Variants in HLF observed in about 807,000 individuals in gnomAD.
The protein encoded by HLF is HLF transcription factor, PAR bZIP family member, also known as hepatic leukemia factor.
In HLF, 3 loss-of-function variants were observed where a neutral mutation model predicts 22.6. The observed-to-expected ratio is 0.13, with a 90% confidence interval of 0.06 to 0.34. The LOEUF (loss-of-function observed/expected upper bound fraction) is 0.34, where lower values mean the gene tolerates loss of function less well. HLF is among the 10% of genes least tolerant of loss of function. The pLI is 1.00. For missense variants in HLF, 299 were observed against 389.2 expected (o/e 0.77, Z 1.95); for synonymous variants, 151 against 151.8 (o/e 0.99, Z 0.04).
intron 2 of HLF, among the ~76,000 whole-genome samples, chr17:55,310,475 C>T (rs1414368867): frequency 6.6e-6 from 1 of 152,134 alleles, no homozygotes; most frequent in South Asian, 2.1e-4. Flanking sequence ...AACTGCCTTA[C>T]TTTGTCAAGT....
chr17:55,314,596 T>C (rs1009117798), intron 2 of HLF, among the ~76,000 whole-genome samples: 1 of 152,216 alleles, frequency 6.6e-6, no homozygotes, highest in Non-Finnish European at 1.5e-5. Flanking sequence ...TCTGTTTTCT[T>C]CTGATTCAAT....
intron 2 of HLF, among the ~76,000 whole-genome samples, chr17:55,295,900 A>G (rs1318703132): frequency 6.6e-6 from 1 of 152,246 alleles, no homozygotes. Flanking sequence ...TTTCAGGTCA[A>G]CATTTCCCAG....
At chr17:55,284,075 C>T (rs1182222747) in intron 2 of HLF, 1 of 152,188 alleles carries the variant, frequency 6.6e-6, no homozygotes, top group African/African-American at 2.4e-5. Context: ...TTGAACTCTT[C>T]AGATTTTTCT....
intron 2 of HLF, among the ~76,000 whole-genome samples, chr17:55,306,186 A>G (rs1904539169): frequency 6.6e-6 from 1 of 152,016 alleles, no homozygotes; most frequent in African/African-American, 2.4e-5. Context: ...ACGCCACTAC[A>G]CTGCAGCCTG....
chr17:55,290,790 C>T (rs913388668), intron 2 of HLF, among the ~76,000 whole-genome samples: 26 of 152,192 alleles, frequency 1.7e-4, no homozygotes, highest in African/African-American at 5.3e-4. Context: ...AGGCCAAAAG[C>T]TAGGCTTCTT....
At position 55,322,111 on chromosome 17, in the gene HLF, C is replaced by T; in HGVS notation, c.*1232C>T. 9.7e-6 allele frequency: 2 copies of T among 205,926 alleles called. No homozygotes were observed. Among genetic ancestry groups the T allele is most frequent in the Non-Finnish European group, 2.0e-5 (2 of 100,600 alleles). The allele number at this position is 205,926 out of a possible 1,614,324, so 12.8% of individuals were successfully genotyped here. On this transcript the variant is annotated 3_prime_UTR_variant, in exon 4 of 4. Transcript: ENST00000226067. ...GCCTCATAAATTAATGATTCTGAAG[C>T]TTATGTTTCTTATTCTCTGTTTGCT...
chr17:55,296,227 G>C (rs1262219637), intron 2 of HLF, among the ~76,000 whole-genome samples: 1 of 152,180 alleles, frequency 6.6e-6, no homozygotes, highest in Non-Finnish European at 1.5e-5. Flanking sequence ...CACAGGGGCT[G>C]TTTCCTCTGG....
rs753287583 is a variant in HLF, at chr17:55,265,510, C to T, written c.26C>T (p.Pro9Leu). The T allele has an allele frequency of 2.5e-6, 4 of 1,609,040 alleles. No homozygotes were observed. The highest frequency in any genetic ancestry group is 1.1e-5 in the South Asian group (1 of 90,732). The change falls in exon 1 of 4, where the codon CCC becomes CTC. Residue 9 changes from proline to leucine, a missense_variant. Physicochemically the swap from Pro to Leu is moderately conservative, Grantham distance 98. Coordinates refer to ENST00000226067, the MANE Select transcript of HLF (RefSeq NM_002126.5). Reference protein sequence around the residue: MEKMSRPLPLNPTFIPPPY... With the variant: MEKMSRPLLLNPTFIPPPY... ...ATGGAGAAAATGTCCCGACCGCTCC[C>T]CCTGAATCCCACCTTTATCCCGCCT...
At chr17:55,302,929 T>C (rs1283525467) in intron 2 of HLF, among the ~76,000 whole-genome samples, 2 of 152,194 alleles carry the variant, frequency 1.3e-5, no homozygotes, top group Non-Finnish European at 1.5e-5. Flanking sequence ...TGGCTCAACA[T>C]CTACATAGTT....
chr17:55,323,649 G>A lies in HLF; in HGVS notation c.*2770G>A, dbSNP rs1189308839. The A allele has an allele frequency of 2.2e-5, 5 of 229,034 alleles. No individual in the cohort carries two copies. Among genetic ancestry groups the A allele is most frequent in the East Asian group, 6.2e-5 (1 of 16,052 alleles). 14.2% of individuals were successfully genotyped at this position (229,034 alleles called of 1,614,324 possible). On this transcript the variant is annotated 3_prime_UTR_variant, in exon 4 of 4. Transcript: ENST00000226067. Reference sequence around the variant, plus strand: ...GGTCATTGTCACGATACACACACACGAACACTCCCTCTGGACTGGCTGCCT... The same window carrying A: ...GGTCATTGTCACGATACACACACACAAACACTCCCTCTGGACTGGCTGCCT...
chr17:55,292,843 C>T (rs1253524593), intron 2 of HLF, among the ~76,000 whole-genome samples: 1 of 152,114 alleles, frequency 6.6e-6, no homozygotes. Flanking sequence ...CTTGCAGCAA[C>T]ATAGATGGAA....
chr17:55,265,973 A>G, intron 1 of HLF: 1 of 480,246 alleles, frequency 2.1e-6, no homozygotes, highest in Non-Finnish European at 2.8e-6. Context: ...TGGGGAGGAG[A>G]AACCCTGGGG....
rs113211661 is a variant in HLF at position 55,291,577 on chromosome 17, CA to C, written c.451+23496del. Reference sequence around the variant, plus strand: ...GCTTATTGGCAGTGTACCTGTTATCCAAAAACTCTGATGGAGATGTACAAGA... The same window carrying C: ...GCTTATTGGCAGTGTACCTGTTATCCAAAACTCTGATGGAGATGTACAAGA... On this transcript the variant is annotated intron_variant, in intron 2 of 3. Transcript: ENST00000226067. Among the ~76,000 whole-genome samples, 1,328 of 150,384 alleles carry C rather than the reference CA, an allele frequency of 8.8e-3. 16 individuals are homozygous for C. The highest frequency in any genetic ancestry group is 0.028 in the African/African-American group (1,129 of 40,774).
intron 2 of HLF, among the ~76,000 whole-genome samples, chr17:55,282,056 T>C (rs1222894692): frequency 6.6e-6 from 1 of 152,218 alleles, no homozygotes; most frequent in Non-Finnish European, 1.5e-5. Context: ...TGAGCCCCCA[T>C]TTCCTCATCC....
intron 2 of HLF, among the ~76,000 whole-genome samples, chr17:55,291,374 T>G (rs2081060042): frequency 2.6e-5 from 4 of 152,208 alleles, no homozygotes; most frequent in Admixed American, 1.3e-4. Context: ...GCTCATTCAC[T>G]GTTCCAAAAA....
At chr17:55,289,000 C>T (rs2081034006) in intron 2 of HLF, 1 of 925,752 alleles carries the variant, frequency 1.1e-6, no homozygotes, top group South Asian at 5.0e-5. Context: ...AGAGAAGCTC[C>T]ATGTTGGGTG....
At chr17:55,265,701 C>T in intron 1 of HLF, 102 bp downstream of exon 1, 1 of 1,087,186 alleles carries the variant, frequency 9.2e-7, no homozygotes, top group Non-Finnish European at 1.2e-6. Context: ...CCCGCTCCCG[C>T]CCTGTCCCGC....
At chr17:55,286,725 C>T (rs185416676) in intron 2 of HLF, among the ~76,000 whole-genome samples, 9 of 152,302 alleles carry the variant, frequency 5.9e-5, no homozygotes, top group East Asian at 1.9e-4. Context: ...GATTTCCCAG[C>T]GCCAAGCCTT....
chr17:55,301,044 C>G (rs2081153203), intron 2 of HLF, among the ~76,000 whole-genome samples: 1 of 152,184 alleles, frequency 6.6e-6, no homozygotes, highest in African/African-American at 2.4e-5. Context: ...CCTTGGTTAC[C>G]CTTTATCCCA....
Sources: allele counts gnomAD v4.1 joint callset (sites outside exome capture counted in the v4.1 genomes callset), GRCh38; gene constraint gnomAD v4.1.1; transcripts MANE v1.5; gene names NCBI Gene and HGNC (gene_info 2026-07-23, HGNC 2026-07-21).